Variants in P2RY10 observed in about 807,000 individuals in gnomAD.
P2RY10 encodes putative P2Y purinoceptor 10.
A neutral mutation model predicts 12.1 loss-of-function variants in P2RY10; 4 were observed. That is an observed-to-expected ratio of 0.33 (90% CI 0.16 to 0.76). P2RY10 has a LOEUF of 0.76. Ranked by LOEUF, P2RY10 falls within the 30% of genes least tolerant of loss-of-function variation. The pLI is 0.61. For missense variants in P2RY10, 233 were observed against 264.6 expected (o/e 0.88, Z 0.83); for synonymous variants, 112 against 94.1 (o/e 1.19, Z -1.10).
At chrX:78,948,756 T>C (rs1921966420) in intron 2 of P2RY10, among the ~76,000 whole-genome samples, 1 of 112,121 alleles carries the variant, frequency 8.9e-6, no homozygotes, top group Non-Finnish European at 1.9e-5. Context: ...CTTAGAATAG[T>C]GGACTCCACC....
intron 3 of P2RY10, among the ~76,000 whole-genome samples, chrX:78,959,669 AAAGCATTGCTAGTGCCCAC>A (rs1293592549): frequency 4.0e-4 from 45 of 111,931 alleles, no homozygotes; most frequent in Middle Eastern, 9.1e-3. Flanking sequence ...GCTAGTGCCC[AAAGCATTGCTAGTGCCCAC>A]AAGCATTGCT....
At chrX:78,950,149 C>T (rs1353084472) in intron 2 of P2RY10, among the ~76,000 whole-genome samples, 2 of 110,904 alleles carry the variant, frequency 1.8e-5, no homozygotes, top group Non-Finnish European at 3.8e-5. Flanking sequence ...CTTAGTGGTG[C>T]CAGTGACTTA....
At chrX:78,946,333 A>C (rs1921831347) in intron 1 of P2RY10, among the ~76,000 whole-genome samples, 2 of 111,388 alleles carry the variant, frequency 1.8e-5, no homozygotes, top group Admixed American at 9.5e-5. Flanking sequence ...TGAGTGAGGC[A>C]CTCATTTTTT....
chrX:78,957,357 G>GACACACACACACACAC (rs765759888), intron 3 of P2RY10, among the ~76,000 whole-genome samples: 597 of 57,735 alleles, frequency 0.01, 7 homozygotes, highest in Middle Eastern at 0.027. Flanking sequence ...GGAAGAGAAA[G>GACACACACACACACAC]ACACACACAC....
intron 3 of P2RY10, among the ~76,000 whole-genome samples, chrX:78,957,969 G>T (rs1922427885): frequency 1.8e-5 from 2 of 112,185 alleles, no homozygotes; most frequent in Non-Finnish European, 3.8e-5. Flanking sequence ...CTGCAGGAGA[G>T]TAAGGTTATG....
At chrX:78,946,276 A>T (rs773485137) in intron 1 of P2RY10, among the ~76,000 whole-genome samples, 1 of 112,045 alleles carries the variant, frequency 8.9e-6, no homozygotes, top group African/African-American at 3.2e-5. Flanking sequence ...TGATCCTTTG[A>T]AAGCTAATTT....
intron 3 of P2RY10, among the ~76,000 whole-genome samples, chrX:78,956,134 C>T (rs1209240761): frequency 1.8e-5 from 2 of 111,656 alleles, no homozygotes; most frequent in African/African-American, 6.5e-5. Flanking sequence ...CTGTCCTTTT[C>T]TTGAGGTCCA....
intron 3 of P2RY10, among the ~76,000 whole-genome samples, chrX:78,955,582 T>A (rs1311873906): frequency 9.0e-6 from 1 of 111,495 alleles, no homozygotes; most frequent in Non-Finnish European, 1.9e-5. Context: ...AGATGGTAAA[T>A]GTTTCTTTTC....
chrX:78,957,661 G>T (rs1162656091), intron 3 of P2RY10, among the ~76,000 whole-genome samples: 2 of 110,757 alleles, frequency 1.8e-5, no homozygotes, highest in Non-Finnish European at 3.8e-5. Context: ...AAGATTTGGG[G>T]GAAAAAAAGC....
At position 78,963,013 on chromosome X, in the gene P2RY10, T is replaced by A. The variant is rs184167991; in HGVS notation, c.*1473T>A. 7.4e-3 allele frequency among the ~76,000 whole-genome samples: 828 copies of A among 112,365 alleles called. 13 individuals carry two copies. Among genetic ancestry groups the A allele is most frequent in the African/African-American group, 0.025 (783 of 31,000 alleles). On this transcript the variant is annotated 3_prime_UTR_variant, in exon 4 of 4. Coordinates refer to ENST00000171757, the MANE Select transcript of P2RY10 (RefSeq NM_014499.4). ...GTGTGTCCTCTTTCTGACAATCTTT[T>A]TATCTTATTTTTTTCAAACGTTGTG...
intron 3 of P2RY10, among the ~76,000 whole-genome samples, chrX:78,957,979 G>A (rs888954251): frequency 4.5e-5 from 5 of 112,099 alleles, no homozygotes; most frequent in Non-Finnish European, 1.9e-5. Context: ...GTAAGGTTAT[G>A]AACAATTCTT....
At chrX:78,947,729 T>C (rs1921910134) in intron 1 of P2RY10, 86 bp from the exon 2 acceptor site, 2 of 175,759 alleles carry the variant, frequency 1.1e-5, no homozygotes, top group Non-Finnish European at 1.8e-5. Context: ...TAGGGAAATC[T>C]ATCTAGAGAG....
intron 1 of P2RY10, 29 bp downstream of exon 1, chrX:78,945,524 G>A (rs1236056126): frequency 8.9e-6 from 1 of 111,939 alleles, no homozygotes; most frequent in Admixed American, 9.5e-5. Context: ...CCTGGGGATT[G>A]GTGGTTTCAT....
rs773170972 is a variant in P2RY10 at position 78,960,964 on chromosome X, C to T, written c.444C>T (p.Tyr148=). The change falls in exon 4 of 4, where the codon TAC becomes TAT. Residue 148 remains tyrosine, a synonymous_variant. Coordinates refer to ENST00000171757, the MANE Select transcript of P2RY10 (RefSeq NM_014499.4). ...PFRARDWKRR[Y]DVGISAAIWI... ...GGGCCAGAGACTGGAAGCGTAGGTA[C>T]GATGTGGGCATCAGTGCTGCCATCT... 2.2e-5 allele frequency: 27 copies of T among 1,209,431 alleles called. No individual in the cohort carries two copies. In the Admixed American group the frequency reaches 3.3e-4, roughly 15 times the overall value.
chrX:78,957,387 C>CACACACAG (rs760263078), intron 3 of P2RY10, among the ~76,000 whole-genome samples: 25 of 75,820 alleles, frequency 3.3e-4, no homozygotes, highest in East Asian at 2.2e-3. Context: ...CACACACACA[C>CACACACAG]AGAGAGAGAG....
chrX:78,952,424 A>C (rs1455945877), intron 3 of P2RY10, 89 bp downstream of exon 3: 1 of 490,850 alleles, frequency 2.0e-6, no homozygotes, highest in Non-Finnish European at 2.5e-6. Context: ...AAAGCCACAG[A>C]AGTACTGACT....
chrX:78,957,387 C>CACACAGAG (rs760263078), intron 3 of P2RY10, among the ~76,000 whole-genome samples: 2 of 75,826 alleles, frequency 2.6e-5, no homozygotes, highest in Admixed American at 1.5e-4. Flanking sequence ...CACACACACA[C>CACACAGAG]AGAGAGAGAG....
In P2RY10 at chrX:78,945,505, T is replaced by C. The variant is rs1275000952; in HGVS notation, c.-206+10T>C. 1 of 111,879 alleles carries C rather than the reference T, an allele frequency of 8.9e-6. No homozygotes were observed. The highest frequency in any genetic ancestry group is 1.9e-5 in the Non-Finnish European group (1 of 53,234). The allele number at this position is 111,879 out of a possible 1,213,427, so 9.2% of individuals were successfully genotyped here. A position where few individuals can be genotyped will look rare whatever the true frequency, so the allele number is the denominator to read the frequency against. On this transcript the variant is annotated intron_variant, in intron 1 of 3. Coordinates refer to ENST00000171757, the MANE Select transcript of P2RY10 (RefSeq NM_014499.4). The stretch of plus-strand genomic sequence containing the variant: ...CCAGCTAAGCTCCAGGGTAAGTTAA[T>C]GCCTAGCACCTGGGGATTGGTGGTT...
At chrX:78,954,481 G>A (rs748432882) in intron 3 of P2RY10, among the ~76,000 whole-genome samples, 221 of 111,526 alleles carry the variant, frequency 2.0e-3, no homozygotes, top group Non-Finnish European at 3.3e-3. Flanking sequence ...AAACCTTTCC[G>A]ATCTTTTCTT....
Sources: allele counts gnomAD v4.1 joint callset (sites outside exome capture counted in the v4.1 genomes callset), GRCh38; gene constraint gnomAD v4.1.1; transcripts MANE v1.5; gene names NCBI Gene and HGNC (gene_info 2026-07-23, HGNC 2026-07-21).